Variants in MCTP2 observed in about 807,000 individuals in gnomAD.
The protein encoded by MCTP2 is multiple C2 and transmembrane domain containing 2, also known as multiple C2 and transmembrane domain-containing protein 2.
A neutral mutation model predicts 111.6 loss-of-function variants in MCTP2; 132 were observed. The observed-to-expected ratio is 1.18, with a 90% CI of 1.03 to 1.37. MCTP2 has a LOEUF of 1.37. MCTP2 is among the 40% of genes most tolerant of loss of function. The pLI is 0.00. For synonymous variants in MCTP2, 395 were observed against 387.7 expected, an observed-to-expected ratio of 1.02 and a Z score of -0.22; for missense variants, 1,183 against 1,067.9, an observed-to-expected ratio of 1.11 and a Z score of -1.50.
At chr15:94,245,362 A>G (rs557589931) in intron 1 of MCTP2, among the ~76,000 whole-genome samples, 13 of 138,950 alleles carry the variant, frequency 9.4e-5, no homozygotes, top group South Asian at 2.2e-4. Flanking sequence ...ATATGTATAT[A>G]TATTTACATA....
chr15:94,456,560 T>A (rs557226423), intron 19 of MCTP2, among the ~76,000 whole-genome samples: 5 of 152,210 alleles, frequency 3.3e-5, no homozygotes, highest in Non-Finnish European at 5.9e-5. Context: ...TAGATGTCGG[T>A]GGACTCATGA....
chr15:94,356,209 A>G lies in MCTP2; in HGVS notation c.1078A>G (p.Ile360Val), dbSNP rs746886497. ...CCAACTCTGGAACGGGATTATAAGT[A>G]TAACTTTGTTGGAAGGGAAGAATGT... ...KNQLWNGIIS[I>V]TLLEGKNVSG... is the part of the protein sequence containing the mutation. Residue 360 changes from isoleucine to valine, a missense_variant, in exon 9 of 23, where the codon ATA becomes GTA. By Grantham distance (29) the Ile-to-Val change is conservative. Coordinates refer to ENST00000357742, the MANE Select transcript of MCTP2 (RefSeq NM_001385001.1). 1.2e-6 allele frequency: 2 copies of G among 1,613,684 alleles called. No homozygotes were observed. Among genetic ancestry groups the G allele is most frequent in the Non-Finnish European group, 1.7e-6 (2 of 1,179,728 alleles).
chr15:94,377,239 T>C (rs894779353), intron 12 of MCTP2, among the ~76,000 whole-genome samples: 1 of 152,216 alleles, frequency 6.6e-6, no homozygotes, highest in Middle Eastern at 3.2e-3. Flanking sequence ...ACTTCGTCTC[T>C]TAAAGATGCC....
At chr15:94,421,059 A>G (rs556484750) in intron 17 of MCTP2, among the ~76,000 whole-genome samples, 24 of 152,158 alleles carry the variant, frequency 1.6e-4, no homozygotes, top group African/African-American at 5.8e-4. Flanking sequence ...CCACCAGCAA[A>G]AAGGTTATGA....
chr15:94,419,115 A>T (rs904964307), intron 17 of MCTP2, among the ~76,000 whole-genome samples: 2 of 152,156 alleles, frequency 1.3e-5, no homozygotes, highest in Non-Finnish European at 2.9e-5. Context: ...AGCGAGAAAC[A>T]TATAATCGAG....
intron 16 of MCTP2, among the ~76,000 whole-genome samples, chr15:94,401,133 G>C (rs930129004): frequency 9.2e-5 from 14 of 151,986 alleles, no homozygotes; most frequent in Non-Finnish European, 2.9e-5. Flanking sequence ...GGTGGCTTTG[G>C]GCTCTCAGAG....
intron 1 of MCTP2, among the ~76,000 whole-genome samples, chr15:94,249,452 G>A (rs2072246516): frequency 6.6e-6 from 1 of 152,006 alleles, no homozygotes; most frequent in South Asian, 2.1e-4. Flanking sequence ...AGATGTTCAA[G>A]TGAATGACAT....
At chr15:94,379,724 A>G (rs2079995024) in intron 12 of MCTP2, among the ~76,000 whole-genome samples, 2 of 145,226 alleles carry the variant, frequency 1.4e-5, no homozygotes, top group African/African-American at 2.6e-5. Flanking sequence ...TATATAATAT[A>G]TAATGTGTAA....
At chr15:94,475,456 C>T (rs2074273664) in intron 21 of MCTP2, among the ~76,000 whole-genome samples, 1 of 152,122 alleles carries the variant, frequency 6.6e-6, no homozygotes, top group African/African-American at 2.4e-5. Flanking sequence ...CAGATGAAAG[C>T]AAAATAATAC....
intron 4 of MCTP2, among the ~76,000 whole-genome samples, chr15:94,336,272 C>T (rs548851531): frequency 5.3e-5 from 8 of 152,282 alleles, no homozygotes; most frequent in East Asian, 1.9e-4. Flanking sequence ...TGTTTCAACT[C>T]CCATCTTCTT....
At chr15:94,417,256 C>T (rs991118888) in intron 17 of MCTP2, among the ~76,000 whole-genome samples, 2 of 152,142 alleles carry the variant, frequency 1.3e-5, no homozygotes, top group Non-Finnish European at 2.9e-5. Context: ...CTGATCCTAA[C>T]ATAGCTAAGA....
chr15:94,371,474 A>G (rs59231232), intron 12 of MCTP2, among the ~76,000 whole-genome samples: 3,034 of 152,316 alleles, frequency 0.02, 100 homozygotes, highest in African/African-American at 0.068. Flanking sequence ...TTTTAATTCC[A>G]TGTAATTGTT....
chr15:94,439,992 T>C (rs2083684959), intron 17 of MCTP2, among the ~76,000 whole-genome samples, 184 bp from the exon 18 acceptor site: 1 of 152,188 alleles, frequency 6.6e-6, no homozygotes, highest in Admixed American at 6.5e-5. Context: ...ACTAATCAGC[T>C]CTTTCTATGC....
rs934101778 is a variant in MCTP2 at position 94,379,784 on chromosome 15, TTA to T, written c.1583-4232_1583-4231del. Among the ~76,000 whole-genome samples the T allele has an allele frequency of 1.6e-4, 23 of 145,946 alleles. No individual in the cohort carries two copies. The Admixed American group carries it at 1.6e-3, about 10-fold the overall frequency. Reference sequence around the variant, plus strand: ...ATAATATATGATATGTAATATATAATTATATATGATATGTAATATATAATTAT... The same window carrying T: ...ATAATATATGATATGTAATATATAATTATATGATATGTAATATATAATTAT... On this transcript the variant is annotated intron_variant, in intron 12 of 22. Transcript: ENST00000357742.
rs1349557457 is a variant in MCTP2, at chr15:94,298,406, T to C, written c.141T>C (p.Arg47=). ...DLRARHHLDR[R]LSLSVPDLLE... is the part of the protein sequence containing the mutation. The stretch of plus-strand genomic sequence containing the variant: ...GGGCAAGGCATCACTTGGACCGCCG[T>C]CTCAGCCTCTCTGTGCCTGATCTCC... Residue 47 remains arginine (R), a synonymous_variant, in exon 2 of 23, where the codon CGT becomes CGC. Transcript: ENST00000357742. 7 of 1,614,204 alleles carry C rather than the reference T, an allele frequency of 4.3e-6. No homozygotes were observed. In the East Asian group the frequency reaches 1.6e-4, roughly 36 times the overall value.
Position 94,340,220 on chromosome 15 carries a change from A to G in MCTP2, c.802A>G (p.Thr268Ala), listed in dbSNP as rs1596403696. 6.2e-7 allele frequency: 1 copy of G among 1,612,990 alleles called. No homozygotes were observed. Among genetic ancestry groups the G allele is most frequent in the Non-Finnish European group, 8.5e-7 (1 of 1,179,176 alleles). Residue 268 changes from threonine to alanine, a missense_variant, in exon 6 of 23, where the codon ACA (threonine) becomes GCA (alanine). By Grantham distance (58) the Thr-to-Ala change is moderately conservative. Transcript: ENST00000357742. ...GTAGGTATATGATCGAGATTTAACC[A>G]CATCTGATTTCATGGGTTCTGCATT... ...RVKVYDRDLT[T>A]SDFMGSAFVI...
At position 94,234,183 on chromosome 15, in the gene MCTP2, T is replaced by G. The variant is rs549965395; in HGVS notation, c.-66+2519T>G. On this transcript the variant is annotated intron_variant, in intron 1 of 22. Coordinates refer to ENST00000357742, the MANE Select transcript of MCTP2 (RefSeq NM_001385001.1). ...TCTCATGGGGAACCAGGGTGGGTGA[T>G]GAAGGAGGAGAGTATGTAGGGGATA... is the stretch of plus-strand genomic sequence containing the variant. Among the ~76,000 whole-genome samples the G allele has an allele frequency of 7.2e-5, 11 of 152,184 alleles. No individual in the cohort carries two copies. In the East Asian group the frequency reaches 2.1e-3, roughly 29 times the overall value.
In MCTP2 at chr15:94,466,853, C is replaced by T. The variant is rs145884300; in HGVS notation, c.2361-3480C>T. Among the ~76,000 whole-genome samples, 379 of 151,966 alleles carry T rather than the reference C, an allele frequency of 2.5e-3. 3 individuals are homozygous for T. Among genetic ancestry groups the T allele is most frequent in the South Asian group, 5.6e-3 (27 of 4,796 alleles). On this transcript the variant is annotated intron_variant, in intron 20 of 22. Coordinates refer to ENST00000357742, the MANE Select transcript of MCTP2 (RefSeq NM_001385001.1). ...TGATATTAGTATTTTACTTTCTCTTCGGTGTGGAATGGTATTGCTAGAAAA... is the reference window on the plus strand; with the variant it reads ...TGATATTAGTATTTTACTTTCTCTTTGGTGTGGAATGGTATTGCTAGAAAA...
chr15:94,356,740 C>T (rs1391122259), intron 9 of MCTP2, among the ~76,000 whole-genome samples: 1 of 152,124 alleles, frequency 6.6e-6, no homozygotes, highest in Non-Finnish European at 1.5e-5. Context: ...AAAATAGTAT[C>T]TAGTGCTGCT....
Sources: allele counts gnomAD v4.1 joint callset (sites outside exome capture counted in the v4.1 genomes callset), GRCh38; gene constraint gnomAD v4.1.1; transcripts MANE v1.5; gene names NCBI Gene and HGNC (gene_info 2026-07-23, HGNC 2026-07-21).